UNC5D: variants seen among roughly 807,000 people sequenced by gnomAD.
The protein encoded by UNC5D is unc-5 netrin receptor D.
Under a neutral mutation model 105.4 loss-of-function variants are expected in UNC5D, and 39 were observed. That is an observed-to-expected ratio of 0.37 (90% CI 0.29 to 0.48). The LOEUF (loss-of-function observed/expected upper bound fraction) is 0.48. Ranked by LOEUF, UNC5D falls within the 20% of genes least tolerant of loss-of-function variation. The probability of loss-of-function intolerance (pLI) is 0.98; values close to 1 mark genes in which losing one functional copy is unlikely to be tolerated. For synonymous variants in UNC5D, 452 were observed against 450.4 expected (o/e 1.00, Z -0.04); for missense variants, 991 against 1,202.4 (o/e 0.82, Z 2.60).
chr8:35,533,022 C>T (rs1173234915), intron 1 of UNC5D, among the ~76,000 whole-genome samples: 7 of 147,598 alleles, frequency 4.7e-5, no homozygotes, highest in African/African-American at 1.5e-4. Context: ...GTAATTTGAT[C>T]GTCTGAAGCC....
At position 35,790,576 on chromosome 8, in the gene UNC5D, C is replaced by G. The variant is rs756932279; in HGVS notation, c.*13C>G. 1 of 1,613,382 alleles carries G rather than the reference C, an allele frequency of 6.2e-7. No homozygotes were observed. Among genetic ancestry groups the G allele is most frequent in the Non-Finnish European group, 8.5e-7 (1 of 1,179,672 alleles). ...AAATGGACTCTAGTCCACTTCCTCC[C>G]ATGAGACAGAGTGATGGCCAGCTTG... is the stretch of plus-strand genomic sequence containing the variant. On this transcript the variant is annotated 3_prime_UTR_variant, in exon 17 of 17. Coordinates refer to ENST00000404895, the MANE Select transcript of UNC5D (RefSeq NM_080872.4).
chr8:35,566,108 C>T (rs1817318365), intron 2 of UNC5D, among the ~76,000 whole-genome samples: 5 of 152,200 alleles, frequency 3.3e-5, no homozygotes, highest in Admixed American at 3.3e-4. Flanking sequence ...AAACACAGTG[C>T]TTTTGTGCTT....
At chr8:35,614,704 G>T (rs1820904974) in intron 4 of UNC5D, among the ~76,000 whole-genome samples, 1 of 152,088 alleles carries the variant, frequency 6.6e-6, no homozygotes, top group Admixed American at 6.5e-5. Flanking sequence ...TTTTAAAAGT[G>T]TGTGTCTACA....
At chr8:35,466,290 C>T (rs1437894732) in intron 1 of UNC5D, among the ~76,000 whole-genome samples, 2 of 152,166 alleles carry the variant, frequency 1.3e-5, no homozygotes, top group Non-Finnish European at 2.9e-5. Flanking sequence ...TTCTTACAGT[C>T]AGAATTCATC....
At chr8:35,448,823 C>G (rs914882037) in intron 1 of UNC5D, among the ~76,000 whole-genome samples, 1 of 152,102 alleles carries the variant, frequency 6.6e-6, no homozygotes, top group East Asian at 1.9e-4. Context: ...TCCGTGTGTA[C>G]ACATTGTTTA....
chr8:35,604,054 G>A (rs1315197702), intron 4 of UNC5D, among the ~76,000 whole-genome samples: 3 of 152,102 alleles, frequency 2.0e-5, no homozygotes, highest in South Asian at 2.1e-4. Context: ...TTTAAGCTTA[G>A]TATTGTTATG....
At chr8:35,387,472 C>T (rs1299990575) in intron 1 of UNC5D, among the ~76,000 whole-genome samples, 2 of 152,136 alleles carry the variant, frequency 1.3e-5, no homozygotes, top group African/African-American at 2.4e-5. Flanking sequence ...AACTTCCCTC[C>T]TTTGTCTCCA....
intron 8 of UNC5D, among the ~76,000 whole-genome samples, chr8:35,715,151 CA>C (rs1407692766): frequency 6.6e-6 from 1 of 151,118 alleles, no homozygotes; most frequent in Non-Finnish European, 1.5e-5. Flanking sequence ...AACTCTGTCT[CA>C]AAAAAACAAA....
At chr8:35,340,904 A>G (rs1811412791) in intron 1 of UNC5D, among the ~76,000 whole-genome samples, 1 of 152,186 alleles carries the variant, frequency 6.6e-6, no homozygotes, top group Non-Finnish European at 1.5e-5. Flanking sequence ...AGAGTAAAAT[A>G]TATTTTCAGA....
chr8:35,549,876 A>G (rs1815982851), intron 2 of UNC5D, among the ~76,000 whole-genome samples: 1 of 151,670 alleles, frequency 6.6e-6, no homozygotes, highest in Non-Finnish European at 1.5e-5. Context: ...GTTAAGCAGC[A>G]TGATTTGAGT....
In UNC5D at chr8:35,396,891, T is replaced by C. The variant is rs1383166794; in HGVS notation, c.104-152401T>C. Among the ~76,000 whole-genome samples the C allele has an allele frequency of 4.0e-5, 6 of 151,730 alleles. No homozygotes were observed. The South Asian group carries it at 1.3e-3, about 32-fold the overall frequency. ...ATGTGTCTCTTCTGAGCCCAAGGGTTTTTTTGTTTGTTTGGTTTGTTTTTT... is the reference window on the plus strand; with the variant it reads ...ATGTGTCTCTTCTGAGCCCAAGGGTCTTTTTGTTTGTTTGGTTTGTTTTTT... On this transcript the variant is annotated intron_variant, in intron 1 of 16. Transcript: ENST00000404895.
chr8:35,413,889 A>G (rs1330805362), intron 1 of UNC5D, among the ~76,000 whole-genome samples: 4 of 152,126 alleles, frequency 2.6e-5, no homozygotes, highest in African/African-American at 9.7e-5. Flanking sequence ...AGAATATTAT[A>G]GAGTATGGAT....
chr8:35,516,418 GTGTCACCTGGCT>G (rs2130408022), intron 1 of UNC5D, among the ~76,000 whole-genome samples: 1 of 152,316 alleles, frequency 6.6e-6, no homozygotes, highest in Non-Finnish European at 1.5e-5. Flanking sequence ...CAGCTCGTAA[GTGTCACCTGGCT>G]TGTCATTTGG....
intron 1 of UNC5D, among the ~76,000 whole-genome samples, chr8:35,406,406 G>A (rs923440126): frequency 3.3e-5 from 5 of 152,040 alleles, no homozygotes; most frequent in Non-Finnish European, 4.4e-5. Context: ...ATGACTCACC[G>A]TGTTTCTCAG....
At chr8:35,615,935 T>C (rs1821000858) in intron 4 of UNC5D, among the ~76,000 whole-genome samples, 1 of 152,234 alleles carries the variant, frequency 6.6e-6, no homozygotes, top group Non-Finnish European at 1.5e-5. Flanking sequence ...CTCATATACA[T>C]GGACTCATCC....
chr8:35,367,207 A>T (rs1172196826), intron 1 of UNC5D, among the ~76,000 whole-genome samples: 1 of 152,144 alleles, frequency 6.6e-6, no homozygotes, highest in East Asian at 1.9e-4. Flanking sequence ...CATCATCTAG[A>T]ACTAGTGCAT....
At chr8:35,328,824 T>C (rs1810379232) in intron 1 of UNC5D, among the ~76,000 whole-genome samples, 1 of 152,190 alleles carries the variant, frequency 6.6e-6, no homozygotes, top group Non-Finnish European at 1.5e-5. Context: ...AGCGTTGAGA[T>C]GAACTGTTTC....
intron 4 of UNC5D, among the ~76,000 whole-genome samples, chr8:35,656,096 G>A (rs1248714014): frequency 1.3e-5 from 2 of 152,040 alleles, no homozygotes; most frequent in African/African-American, 2.4e-5. Flanking sequence ...CTTTATTTGG[G>A]AGAGATAGGA....
chr8:35,398,103 A>AT (rs1384819384), intron 1 of UNC5D, among the ~76,000 whole-genome samples: 1 of 152,192 alleles, frequency 6.6e-6, no homozygotes, highest in Non-Finnish European at 1.5e-5. Flanking sequence ...ATGCCTATTA[A>AT]TTTTTTAAAG....
Sources: gnomAD v4.1 joint callset for allele counts (sites outside exome capture counted in the v4.1 genomes callset) on GRCh38, gnomAD v4.1.1 for gene constraint, MANE v1.5 for transcripts, NCBI Gene and HGNC (gene_info 2026-07-23, HGNC 2026-07-21) for gene names.